Variants in TTC12 observed in about 807,000 individuals in gnomAD.
TTC12 encodes tetratricopeptide repeat protein 12.
In TTC12, 70 loss-of-function variants were observed where a neutral mutation model predicts 90.1. That is an observed-to-expected ratio of 0.78 (90% CI 0.64 to 0.95). The LOEUF (loss-of-function observed/expected upper bound fraction) is 0.95. Ranked by LOEUF, TTC12 falls within the 40% of genes least tolerant of loss-of-function variation. TTC12 has a pLI of 0.00. For synonymous variants in TTC12, 296 were observed against 311.5 expected, an observed-to-expected ratio of 0.95 and a Z score of 0.53; for missense variants, 819 against 846.1, an observed-to-expected ratio of 0.97 and a Z score of 0.40.
At chr11:113,341,001 G>C (rs953543403) in intron 11 of TTC12, among the ~76,000 whole-genome samples, 1 of 152,128 alleles carries the variant, frequency 6.6e-6, no homozygotes, top group South Asian at 2.1e-4. Flanking sequence ...AGGTCAAGGC[G>C]GGCGGATCAC....
chr11:113,344,195 A>G (rs530140149), intron 12 of TTC12, 77 bp from the exon 13 acceptor site: 2 of 1,473,856 alleles, frequency 1.4e-6, no homozygotes, highest in African/African-American at 1.4e-5. Flanking sequence ...TGAGTTTCCC[A>G]TTAGGATAGA....
chr11:113,322,431 A>T (rs1166203257), intron 2 of TTC12, among the ~76,000 whole-genome samples: 3 of 152,190 alleles, frequency 2.0e-5, no homozygotes, highest in Non-Finnish European at 4.4e-5. Context: ...TCCTGGTAGT[A>T]AGGAAGGATG....
At position 113,363,834 on chromosome 11, in the gene TTC12, G is replaced by A. The variant is rs1310565955; in HGVS notation, c.1723G>A (p.Gly575Ser). Reference sequence around the variant, plus strand: ...ATTTCATTCTGAAATCTAGACAGGAGGTGAGACTGCATCACGTTATGCTAT... The same window carrying A: ...ATTTCATTCTGAAATCTAGACAGGAAGTGAGACTGCATCACGTTATGCTAT... ...KKMMKFLKTGGETASRYAIKI... is the reference protein window; with the variant it reads ...KKMMKFLKTGSETASRYAIKI... The change falls in exon 20 of 22, where the codon GGT becomes AGT. Residue 575 changes from glycine to serine, a missense_variant. Transcript: ENST00000529221. The A allele has an allele frequency of 5.0e-6, 8 of 1,608,580 alleles. No homozygotes were observed. Among genetic ancestry groups the A allele is most frequent in the African/African-American group, 1.3e-5 (1 of 74,794 alleles).
intron 13 of TTC12, among the ~76,000 whole-genome samples, chr11:113,348,986 GCCTCTGTACCCATC>G (rs1555149112): frequency 6.6e-6 from 1 of 152,242 alleles, no homozygotes; most frequent in African/African-American, 2.4e-5. Context: ...TGCCTGACAT[GCCTCTGTACCCATC>G]CCTGTGGGCC....
Position 113,339,468 on chromosome 11 carries a change from A to T in TTC12, c.820A>T (p.Asn274Tyr). Reference protein sequence around the residue: ...GGIEILTEMINECTEQTLFRM... With the variant: ...GGIEILTEMIYECTEQTLFRM... ...GATTGAGATCCTGACTGAAATGATA[A>T]ATGAGTGTAAGCCAGAGATGTGTGT... Residue 274 changes from asparagine (N) to tyrosine (Y), a missense_variant, in exon 10 of 22, where the codon AAT becomes TAT. By Grantham distance (143) the Asn-to-Tyr change is moderately radical (BLOSUM62 -2). Coordinates refer to ENST00000529221, the MANE Select transcript of TTC12 (RefSeq NM_017868.4). The T allele has an allele frequency of 6.2e-7, 1 of 1,610,898 alleles. No homozygotes were observed. The highest frequency in any genetic ancestry group is 8.5e-7 in the Non-Finnish European group (1 of 1,179,020).
chr11:113,340,534 C>T (rs1948622037), intron 10 of TTC12, 130 bp from the exon 11 acceptor site: 1 of 687,584 alleles, frequency 1.5e-6, no homozygotes, highest in East Asian at 2.7e-5. Context: ...TCATTTGTTC[C>T]TGCCAAACCA....
At chr11:113,364,416 G>A (rs1036236955) in intron 20 of TTC12, 2 of 240,690 alleles carry the variant, frequency 8.3e-6, no homozygotes, top group Admixed American at 1.0e-4. Context: ...GCTCCACCAT[G>A]GAAGCGGCAA....
At chr11:113,347,303 A>C (rs1949023399) in intron 13 of TTC12, among the ~76,000 whole-genome samples, 1 of 152,168 alleles carries the variant, frequency 6.6e-6, no homozygotes, top group African/African-American at 2.4e-5. Flanking sequence ...GGCCCTTAGA[A>C]ACCATCCAGT....
At chr11:113,330,069 G>A (rs1408343234) in intron 7 of TTC12, 90 bp downstream of exon 7, 6 of 983,840 alleles carry the variant, frequency 6.1e-6, no homozygotes, top group Non-Finnish European at 9.8e-6. Context: ...AAAGGGTATA[G>A]CCTCTGTAGC....
intron 13 of TTC12, among the ~76,000 whole-genome samples, chr11:113,345,308 C>T (rs932732494): frequency 6.6e-6 from 1 of 152,190 alleles, no homozygotes; most frequent in Non-Finnish European, 1.5e-5. Flanking sequence ...TATCTCCCCT[C>T]ATCCTGCGGG....
chr11:113,325,607 C>G lies in TTC12; in HGVS notation c.406C>G (p.Leu136Val), dbSNP rs1171210455. 1.2e-6 allele frequency: 2 copies of G among 1,613,858 alleles called. No individual in the cohort carries two copies. The highest frequency in any genetic ancestry group is 1.7e-6 in the Non-Finnish European group (2 of 1,179,880). Reference protein sequence around the residue: ...ILRYSEGLEKLKDMKVLYTNR... With the variant: ...ILRYSEGLEKVKDMKVLYTNR... ...GCGCTACAGTGAGGGTTTGGAGAAGCTGAAGGACATGAAAGTGCTGTACAC... is the reference window on the plus strand; with the variant it reads ...GCGCTACAGTGAGGGTTTGGAGAAGGTGAAGGACATGAAAGTGCTGTACAC... Residue 136 changes from leucine (L) to valine (V), a missense_variant, in exon 6 of 22, where the codon CTG (leucine) becomes GTG (valine). Leu to Val is a conservative substitution (Grantham distance 32). Transcript: ENST00000529221.
At chr11:113,342,047 C>A in intron 12 of TTC12, 122 bp downstream of exon 12, 1 of 785,416 alleles carries the variant, frequency 1.3e-6, no homozygotes, top group Non-Finnish European at 2.2e-6. Flanking sequence ...CTTCCGCACA[C>A]ACCCACTCCC....
chr11:113,359,757 A>G (rs1338791992), intron 17 of TTC12, among the ~76,000 whole-genome samples, 183 bp from the exon 18 acceptor site: 1 of 152,228 alleles, frequency 6.6e-6, no homozygotes, highest in Non-Finnish European at 1.5e-5. Context: ...TATCAGGGTA[A>G]TGCCCTGGAG....
At chr11:113,359,821 G>C (rs1949817016) in intron 17 of TTC12, 119 bp from the exon 18 acceptor site, 1 of 731,204 alleles carries the variant, frequency 1.4e-6, no homozygotes, top group Admixed American at 2.6e-5. Flanking sequence ...GGTGTTGTGA[G>C]GGAACCTGGG....
intron 16 of TTC12, among the ~76,000 whole-genome samples, chr11:113,358,544 T>G (rs569523593): frequency 1.3e-5 from 2 of 152,288 alleles, no homozygotes; most frequent in East Asian, 3.9e-4. Flanking sequence ...CTGGCCCTGT[T>G]TGATGGGCAA....
intron 18 of TTC12, 88 bp downstream of exon 18, chr11:113,360,096 T>G (rs1949838871): frequency 9.9e-5 from 97 of 976,676 alleles, no homozygotes; most frequent in Non-Finnish European, 1.4e-4. Context: ...GTGTAATCTT[T>G]TTGAAGTTGC....
intron 7 of TTC12, among the ~76,000 whole-genome samples, chr11:113,331,524 C>T (rs1441821170): frequency 6.6e-6 from 1 of 152,160 alleles, no homozygotes; most frequent in Non-Finnish European, 1.5e-5. Flanking sequence ...ACTCTAAGCC[C>T]TTGCTCTTAA....
chr11:113,370,772 G>C (rs1370128906), downstream of TTC12, among the ~76,000 whole-genome samples: 1 of 152,228 alleles, frequency 6.6e-6, no homozygotes, highest in African/African-American at 2.4e-5. Context: ...CAGGGCTCCT[G>C]TCACCAGCGG....
rs112999072 is a variant in TTC12, at chr11:113,373,249, G to A, written c.*246G>A. ...ATTCATCCTTTCCCTGAAGGCTTGT[G>A]TGGTGCTGCCTTTTAAATTCATAAC... On this transcript the variant is annotated 3_prime_UTR_variant, in exon 22 of 22. Coordinates refer to the TTC12 transcript ENST00000314756. 4,795 of 985,024 alleles carry A rather than the reference G, an allele frequency of 4.9e-3. 14 individuals carry two copies. Among genetic ancestry groups the A allele is most frequent in the Middle Eastern group, 8.9e-3 (17 of 1,914 alleles). 61.0% of individuals were successfully genotyped at this position (985,024 alleles called of 1,614,324 possible).
Sources: allele counts gnomAD v4.1 joint callset (sites outside exome capture counted in the v4.1 genomes callset), GRCh38; gene constraint gnomAD v4.1.1; transcripts MANE v1.5; gene names NCBI Gene and HGNC (gene_info 2026-07-23, HGNC 2026-07-21).